Variants in UBE3C observed in about 807,000 individuals in gnomAD.
The protein encoded by UBE3C is ubiquitin protein ligase E3C, also known as ubiquitin-protein ligase E3C.
UBE3C carries 42 observed loss-of-function variants against 129.4 expected under a neutral mutation model. The observed-to-expected ratio is 0.32, with a 90% CI of 0.25 to 0.42. The LOEUF (loss-of-function observed/expected upper bound fraction) is 0.42. Ranked by LOEUF, UBE3C falls within the 10% of genes least tolerant of loss-of-function variation. UBE3C has a pLI of 1.00. For synonymous variants in UBE3C, 510 were observed against 492.4 expected, an observed-to-expected ratio of 1.04 and a Z score of -0.47; for missense variants, 1,049 against 1,319.1, an observed-to-expected ratio of 0.80 and a Z score of 3.17.
intron 1 of UBE3C, among the ~76,000 whole-genome samples, chr7:157,147,792 A>T (rs1243447847): frequency 6.6e-6 from 1 of 152,206 alleles, no homozygotes; most frequent in African/African-American, 2.4e-5. Context: ...GTATCTGTTA[A>T]TGTTATGTGA....
At chr7:157,169,734 T>G (rs1413852369) in intron 3 of UBE3C, among the ~76,000 whole-genome samples, 2 of 152,016 alleles carry the variant, frequency 1.3e-5, no homozygotes, top group African/African-American at 4.8e-5. Context: ...CAGGCTGGAG[T>G]GCAGTTGCAC....
chr7:157,216,767 G>GCACCAC (rs1169062052), intron 13 of UBE3C, 100 bp from the exon 14 acceptor site: 11 of 911,472 alleles, frequency 1.2e-5, no homozygotes, highest in Non-Finnish European at 1.9e-5. Flanking sequence ...CTGGGTTCCT[G>GCACCAC]CACCACCGCT....
At chr7:157,191,977 A>G (rs1259059713) in intron 10 of UBE3C, among the ~76,000 whole-genome samples, 1 of 152,338 alleles carries the variant, frequency 6.6e-6, no homozygotes, top group East Asian at 1.9e-4. Flanking sequence ...TAAAAATTGC[A>G]TTCTCTTTCA....
chr7:157,195,382 G>A (rs1239878621), intron 10 of UBE3C, among the ~76,000 whole-genome samples: 1 of 152,212 alleles, frequency 6.6e-6, no homozygotes, highest in Non-Finnish European at 1.5e-5. Context: ...ATACTCAGCT[G>A]CAAACATGTG....
chr7:157,242,859 A>AG (rs1037724211), intron 18 of UBE3C, among the ~76,000 whole-genome samples: 3 of 152,120 alleles, frequency 2.0e-5, no homozygotes, highest in Admixed American at 2.0e-4. Flanking sequence ...GTTCTAGACC[A>AG]GCCTGACCAA....
At chr7:157,195,254 C>A (rs548081664) in intron 10 of UBE3C, among the ~76,000 whole-genome samples, 1 of 152,268 alleles carries the variant, frequency 6.6e-6, no homozygotes, top group East Asian at 1.9e-4. Flanking sequence ...ATGAGTGAAT[C>A]CCCATGACAT....
chr7:157,151,904 A>T (rs1807766023), intron 1 of UBE3C, among the ~76,000 whole-genome samples: 1 of 152,178 alleles, frequency 6.6e-6, no homozygotes, highest in Non-Finnish European at 1.5e-5. Context: ...AGTGGCCGTC[A>T]TCTGAGAACT....
chr7:157,203,876 T>C (rs1809357067), intron 11 of UBE3C, among the ~76,000 whole-genome samples: 1 of 152,162 alleles, frequency 6.6e-6, no homozygotes, highest in African/African-American at 2.4e-5. Context: ...TAAGTTGAAA[T>C]GCATTCAAGA....
chr7:157,203,958 T>G (rs1809359839), intron 11 of UBE3C, among the ~76,000 whole-genome samples: 1 of 152,220 alleles, frequency 6.6e-6, no homozygotes, highest in South Asian at 2.1e-4. Flanking sequence ...TGCATTAGCC[T>G]ACAGCTAGGC....
At chr7:157,171,814 C>G (rs1808386407) in intron 4 of UBE3C, among the ~76,000 whole-genome samples, 1 of 147,138 alleles carries the variant, frequency 6.8e-6, no homozygotes, top group African/African-American at 2.5e-5. Context: ...TCAAGCGATT[C>G]TCCTGCCTCA....
At chr7:157,235,474 G>A (rs2116647766) in intron 18 of UBE3C, among the ~76,000 whole-genome samples, 1 of 152,272 alleles carries the variant, frequency 6.6e-6, no homozygotes, top group Middle Eastern at 3.4e-3. Flanking sequence ...GAAGCTAATA[G>A]TTATGTAAGT....
At chr7:157,218,720 T>G (rs1485863370) in intron 14 of UBE3C, among the ~76,000 whole-genome samples, 1 of 151,944 alleles carries the variant, frequency 6.6e-6, no homozygotes, top group Non-Finnish European at 1.5e-5. Context: ...CCCTGCAAGA[T>G]GGGTGTGGAG....
chr7:157,144,315 C>T (rs1307361724), intron 1 of UBE3C, among the ~76,000 whole-genome samples: 1 of 152,112 alleles, frequency 6.6e-6, no homozygotes, highest in African/African-American at 2.4e-5. Context: ...AAGGCAGGGG[C>T]AAGGCAACAG....
At chr7:157,139,399 T>C (rs1401187178) in intron 1 of UBE3C, 61 bp downstream of exon 1, 6 of 1,466,800 alleles carry the variant, frequency 4.1e-6, no homozygotes, top group East Asian at 2.7e-5. Flanking sequence ...GGCTCGGGGC[T>C]GGGACTCGGG....
rs191086863 is a variant in UBE3C, at chr7:157,254,460, C to T, written c.2950+150C>T. On this transcript the variant is annotated intron_variant, in intron 21 of 22. Coordinates refer to ENST00000348165, the MANE Select transcript of UBE3C (RefSeq NM_014671.3). ...TCGCCCAGGCTGGAGTGCAGTGGCGCGATCCCAGCTCACTGAAACCTTTGC... is the reference window on the plus strand; with the variant it reads ...TCGCCCAGGCTGGAGTGCAGTGGCGTGATCCCAGCTCACTGAAACCTTTGC... 1,817 of 341,804 alleles carry T rather than the reference C, an allele frequency of 5.3e-3. 9 individuals are homozygous for T. The highest frequency in any genetic ancestry group is 6.6e-3 in the Non-Finnish European group (1,437 of 217,468). 21.2% of individuals were successfully genotyped at this position (341,804 alleles called of 1,614,324 possible). A position where few individuals can be genotyped will look rare whatever the true frequency, so the allele number is the denominator to read the frequency against.
chr7:157,141,110 A>T (rs1470218499), intron 1 of UBE3C, among the ~76,000 whole-genome samples: 1 of 152,088 alleles, frequency 6.6e-6, no homozygotes, highest in East Asian at 1.9e-4. Flanking sequence ...GGAGTGTGGC[A>T]CTGCTAACCC....
At chr7:157,180,898 C>T (rs545053281) in intron 6 of UBE3C, among the ~76,000 whole-genome samples, 5 of 152,264 alleles carry the variant, frequency 3.3e-5, no homozygotes, top group East Asian at 3.9e-4. Flanking sequence ...GATTGTAGGG[C>T]GGGATGCAGG....
chr7:157,211,160 T>G (rs1809581182), intron 13 of UBE3C, among the ~76,000 whole-genome samples: 1 of 81,308 alleles, frequency 1.2e-5, no homozygotes, highest in Non-Finnish European at 2.2e-5. Context: ...TCATTATCCA[T>G]ATGTCTGGAG....
At chr7:157,192,268 C>A (rs1469650993) in intron 10 of UBE3C, 3 of 372,482 alleles carry the variant, frequency 8.1e-6, no homozygotes, top group Admixed American at 7.3e-5. Flanking sequence ...GATTCTAAAT[C>A]CCTACCACGT....
Sources: allele counts gnomAD v4.1 joint callset (sites outside exome capture counted in the v4.1 genomes callset), GRCh38; gene constraint gnomAD v4.1.1; transcripts MANE v1.5; gene names NCBI Gene and HGNC (gene_info 2026-07-23, HGNC 2026-07-21).